Variants in CNTLN observed in about 807,000 individuals in gnomAD.
CNTLN encodes the protein centlein, centrosomal protein.
CNTLN carries 212 observed loss-of-function variants against 180.0 expected under a neutral mutation model. The observed-to-expected ratio is 1.18, with a 90% CI of 1.05 to 1.32. The LOEUF (loss-of-function observed/expected upper bound fraction) is 1.32, where lower values mean the gene tolerates loss of function less well. Among genes scored for constraint, CNTLN ranks in the 40% most tolerant of loss-of-function variants. The pLI is 0.00. For synonymous variants in CNTLN, 722 were observed against 563.1 expected, an observed-to-expected ratio of 1.28 and a Z score of -3.99; for missense variants, 2,095 against 1,610.9, an observed-to-expected ratio of 1.30 and a Z score of -5.14.
At chr9:17,526,972 G>T in the CNTLN span, among the ~76,000 whole-genome samples, 1 of 151,970 alleles carries the variant, frequency 6.6e-6, no homozygotes, top group Non-Finnish European at 1.5e-5. Context: ...CCGCCTCCTG[G>T]GTCCAAGTGA....
the CNTLN span, among the ~76,000 whole-genome samples, chr9:17,526,000 A>G: frequency 2.0e-5 from 3 of 152,082 alleles, no homozygotes; most frequent in Admixed American, 6.5e-5. Context: ...CAGTGGCGCA[A>G]TCTCGGCTCA....
downstream of CNTLN, among the ~76,000 whole-genome samples, chr9:17,506,298 C>T (rs1478186925): frequency 2.0e-5 from 3 of 152,096 alleles, no homozygotes; most frequent in Non-Finnish European, 4.4e-5. Context: ...TAAAAACTTT[C>T]ACCCTGGGAA....
At chr9:17,288,205 G>A (rs1224859540) in intron 6 of CNTLN, among the ~76,000 whole-genome samples, 273 of 120,296 alleles carry the variant, frequency 2.3e-3, no homozygotes, top group African/African-American at 0.011. Context: ...CTGGTATGTT[G>A]TGTCTTTGTT....
At chr9:17,138,791 T>G (rs1367966109) in intron 1 of CNTLN, among the ~76,000 whole-genome samples, 1 of 152,126 alleles carries the variant, frequency 6.6e-6, no homozygotes, top group Non-Finnish European at 1.5e-5. Context: ...ATTGAGGGCT[T>G]AATATATTGC....
At chr9:17,250,567 A>G (rs1235416030) in intron 5 of CNTLN, among the ~76,000 whole-genome samples, 1 of 152,072 alleles carries the variant, frequency 6.6e-6, no homozygotes, top group African/African-American at 2.4e-5. Flanking sequence ...ATTTATAGCA[A>G]TAAAATTTGA....
At chr9:17,177,418 A>T (rs1357324104) in intron 2 of CNTLN, among the ~76,000 whole-genome samples, 1 of 152,066 alleles carries the variant, frequency 6.6e-6, no homozygotes, top group Admixed American at 6.6e-5. Context: ...CAAAAAAAAA[A>T]AAATTATTTT....
chr9:17,364,594 C>G (rs1248677057), intron 12 of CNTLN, among the ~76,000 whole-genome samples: 2 of 152,078 alleles, frequency 1.3e-5, no homozygotes, highest in African/African-American at 4.8e-5. Flanking sequence ...TCTCTTATCT[C>G]TATTTTATTG....
At chr9:17,388,559 T>C (rs1825861884) in intron 14 of CNTLN, among the ~76,000 whole-genome samples, 1 of 152,042 alleles carries the variant, frequency 6.6e-6, no homozygotes, top group Non-Finnish European at 1.5e-5. Flanking sequence ...TATAACTTAG[T>C]TTAAAGTATA....
At chr9:17,522,531 C>A in the CNTLN span, among the ~76,000 whole-genome samples, 2 of 152,122 alleles carry the variant, frequency 1.3e-5, no homozygotes. Flanking sequence ...GGGCTGGGCT[C>A]CTATGGGAGA....
chr9:17,438,844 T>A (rs1014836706), intron 18 of CNTLN, among the ~76,000 whole-genome samples: 1 of 152,100 alleles, frequency 6.6e-6, no homozygotes, highest in South Asian at 2.1e-4. Context: ...AGGTCCAAGA[T>A]CTGAGCTCTA....
rs1827155996 is a variant in CNTLN, at chr9:17,403,684, C to T, written c.2616-5609C>T. 1.3e-5 allele frequency among the ~76,000 whole-genome samples: 2 copies of T among 151,702 alleles called. 1 individual carries two copies. Among genetic ancestry groups the T allele is most frequent in the African/African-American group, 4.9e-5 (2 of 41,080 alleles). Reference sequence around the variant, plus strand: ...GCAGAAAACTGCCTCCTTGGATGCACTTGCTCAATCTTGATCTCAACCTTG... The same window carrying T: ...GCAGAAAACTGCCTCCTTGGATGCATTTGCTCAATCTTGATCTCAACCTTG... On this transcript the variant is annotated intron_variant, in intron 15 of 25. Transcript: ENST00000380647.
chr9:17,506,788 AG>A (rs550038731), downstream of CNTLN, among the ~76,000 whole-genome samples: 185 of 152,288 alleles, frequency 1.2e-3, no homozygotes, highest in African/African-American at 4.4e-3. Context: ...GCCTATGTTC[AG>A]AAGAGTTCAT....
rs978380585 is a variant in CNTLN at position 17,177,600 on chromosome 9, T to C, written c.449+34224T>C. On this transcript the variant is annotated intron_variant, in intron 2 of 25. Transcript: ENST00000380647. ...TTCGGAGTTTCTTCCTTCTGGTGGGTTCGTGGTCTCACTGGCTCAGGAGTG... is the reference window on the plus strand; with the variant it reads ...TTCGGAGTTTCTTCCTTCTGGTGGGCTCGTGGTCTCACTGGCTCAGGAGTG... 2.0e-5 allele frequency among the ~76,000 whole-genome samples: 3 copies of C among 152,024 alleles called. No individual in the cohort carries two copies. The East Asian group carries it at 5.8e-4, about 29-fold the overall frequency.
intron 2 of CNTLN, chr9:17,168,136 G>T (rs894929727): frequency 5.9e-5 from 9 of 152,176 alleles, no homozygotes; most frequent in African/African-American, 2.2e-4. Context: ...CTAGTAAAAA[G>T]TTAGATAATA....
intron 2 of CNTLN, among the ~76,000 whole-genome samples, chr9:17,205,129 G>T (rs1822827543): frequency 2.6e-5 from 4 of 152,136 alleles, no homozygotes; most frequent in Admixed American, 2.6e-4. Flanking sequence ...GGCTCCGTGG[G>T]AGTGGGACCA....
chr9:17,427,401 T>C lies in CNTLN; in HGVS notation c.3114+11212T>C, dbSNP rs553986108. On this transcript the variant is annotated intron_variant, in intron 18 of 25. Transcript: ENST00000380647. ...TATTGTCTTCCAGACTGCCAATCTT[T>C]AGATAGTTTAAAAAAAATTTACCTG... Among the ~76,000 whole-genome samples, 116 of 152,210 alleles carry C rather than the reference T, an allele frequency of 7.6e-4. 1 individual carries two copies. The highest frequency in any genetic ancestry group is 2.6e-3 in the African/African-American group (108 of 41,552).
chr9:17,327,654 T>C (rs866863924), intron 8 of CNTLN, among the ~76,000 whole-genome samples: 2 of 152,168 alleles, frequency 1.3e-5, no homozygotes, highest in Admixed American at 6.5e-5. Context: ...TAAATATTTC[T>C]ATTTTGAAAA....
intron 1 of CNTLN, among the ~76,000 whole-genome samples, chr9:17,139,737 C>T (rs376985636): frequency 4.6e-5 from 7 of 152,124 alleles, no homozygotes; most frequent in African/African-American, 1.4e-4. Context: ...GACAGTCTCC[C>T]TCTGTCACCC....
At chr9:17,184,393 T>G (rs528614189) in intron 2 of CNTLN, among the ~76,000 whole-genome samples, 91 of 152,232 alleles carry the variant, frequency 6.0e-4, no homozygotes, top group Non-Finnish European at 1.1e-3. Context: ...TCAGAAGCAA[T>G]TGTATTTTAA....
Sources: allele counts gnomAD v4.1 joint callset (sites outside exome capture counted in the v4.1 genomes callset), GRCh38; gene constraint gnomAD v4.1.1; transcripts MANE v1.5; gene names NCBI Gene and HGNC (gene_info 2026-07-23, HGNC 2026-07-21).